The following KCTD1 variants were observed in gnomAD, a reference collection of about 807,000 sequenced individuals.
KCTD1 encodes the protein potassium channel tetramerization domain containing 1.
Under a neutral mutation model 66.0 loss-of-function variants are expected in KCTD1, and 24 were observed. The observed-to-expected ratio is 0.36, with a 90% CI of 0.26 to 0.51. The LOEUF is 0.51. Among genes scored for constraint, KCTD1 ranks in the 20% least tolerant of loss-of-function variants. The pLI is 0.95. For missense variants in KCTD1, 943 were observed against 1,205.2 expected, an observed-to-expected ratio of 0.78 and a Z score of 3.22; for synonymous variants, 511 against 517.2, an observed-to-expected ratio of 0.99 and a Z score of 0.16.
At chr18:26,508,340 C>T (rs972798553) in intron 1 of KCTD1, among the ~76,000 whole-genome samples, 17 of 152,208 alleles carry the variant, frequency 1.1e-4, no homozygotes, top group African/African-American at 4.1e-4. Flanking sequence ...AGGGATTTGA[C>T]TTCAGGCATC....
At chr18:26,577,207 T>C (rs1986244935) in intron 1 of KCTD1, among the ~76,000 whole-genome samples, 1 of 152,234 alleles carries the variant, frequency 6.6e-6, no homozygotes, top group African/African-American at 2.4e-5. Flanking sequence ...ACCTACACAC[T>C]CCTTCCATTT....
chr18:26,475,064 T>C (rs1384200280), intron 3 of KCTD1, among the ~76,000 whole-genome samples: 1 of 152,192 alleles, frequency 6.6e-6, no homozygotes, highest in Non-Finnish European at 1.5e-5. Context: ...TATGCACCTG[T>C]ACATCTATCT....
chr18:26,540,286 C>T (rs1305306639), intron 1 of KCTD1, among the ~76,000 whole-genome samples: 1 of 152,236 alleles, frequency 6.6e-6, no homozygotes, highest in Admixed American at 6.5e-5. Context: ...TGAACTCCTC[C>T]TCTTGTTGCC....
intron 1 of KCTD1, among the ~76,000 whole-genome samples, chr18:26,603,323 T>C (rs1205634261): frequency 1.3e-5 from 2 of 151,240 alleles, no homozygotes; most frequent in Admixed American, 6.6e-5. Flanking sequence ...TCCCACGTAC[T>C]TGGGAGACTG....
intron 1 of KCTD1, among the ~76,000 whole-genome samples, chr18:26,558,553 C>CT (rs1462449000): frequency 6.6e-6 from 1 of 152,134 alleles, no homozygotes; most frequent in Non-Finnish European, 1.5e-5. Context: ...TGGAAGCAAC[C>CT]TAAGTGTCCA....
At chr18:26,589,548 A>C (rs1324826070) in intron 1 of KCTD1, among the ~76,000 whole-genome samples, 2 of 152,330 alleles carry the variant, frequency 1.3e-5, no homozygotes, top group African/African-American at 2.4e-5. Flanking sequence ...ATAAACTTGA[A>C]AAGGGTTATC....
chr18:26,552,446 G>A (rs146608051), upstream of KCTD1, among the ~76,000 whole-genome samples: 41 of 152,306 alleles, frequency 2.7e-4, no homozygotes, highest in East Asian at 7.3e-3. Flanking sequence ...TGAATGAAGA[G>A]AATCTGTGTT....
chr18:26,476,847 C>A lies in KCTD1; in HGVS notation c.1989-188G>T. 1.8e-6 allele frequency: 1 copy of A among 541,668 alleles called. No individual in the cohort carries two copies. 33.6% of individuals were successfully genotyped at this position (541,668 alleles called of 1,614,324 possible). ...TCAGGACGAGACCATTCAAAATAGT[C>A]CTAGGCTTTGTCAAATGAATTCTTT... On this transcript the variant is annotated intron_variant, in intron 2 of 4. Transcript: ENST00000580059. This position sits in a 1 kb window ranked among gnomAD's most constrained non-coding sequence, Gnocchi z 4.9.
Position 26,546,907 on chromosome 18 carries a change from C to A in KCTD1, c.1630G>T (p.Gly544Trp). ...GGGGAAGTGGGGCCGCAGATTTCCC[C>A]CGACCCGAACACAGACTCGTACAGG... ...RALYESVFGS[G>W]EICGPTSPKR... Residue 544 changes from glycine to tryptophan, a missense_variant, in exon 1 of 5, where the codon GGG (glycine) becomes TGG (tryptophan). By Grantham distance (184) the Gly-to-Trp change is radical. Coordinates refer to ENST00000580059, the MANE Select transcript of KCTD1 (RefSeq NM_001142730.3). The A allele has an allele frequency of 6.7e-7, 1 of 1,482,994 alleles. No individual in the cohort carries two copies. Among genetic ancestry groups the A allele is most frequent in the Non-Finnish European group, 9.0e-7 (1 of 1,115,488 alleles). 91.9% of individuals were successfully genotyped at this position (1,482,994 alleles called of 1,614,324 possible).
chr18:26,657,409 C>T (rs1266463930), upstream of KCTD1: 4 of 985,416 alleles, frequency 4.1e-6, no homozygotes, highest in African/African-American at 3.5e-5. Context: ...TTTCCTTTTC[C>T]TCTCCCCCCT....
At position 26,548,154 on chromosome 18, in the gene KCTD1, C is replaced by T. The variant is rs1398319992; in HGVS notation, c.383G>A (p.Ser128Asn). Residue 128 changes from serine to asparagine, a missense_variant, in exon 1 of 5, where the codon AGC becomes AAC. Ser to Asn is a conservative substitution (Grantham distance 46, BLOSUM62 1). This residue lies in a region of KCTD1 where 236 missense variants were observed against 206.6 expected (regional missense o/e 1.14). Coordinates refer to ENST00000580059, the MANE Select transcript of KCTD1 (RefSeq NM_001142730.3). Reference sequence around the variant, plus strand: ...CGGCGCCTCGGGCTCCAGCGCGGCGCTCTGGTCCATATTGATCATATGGAC... The same window carrying T: ...CGGCGCCTCGGGCTCCAGCGCGGCGTTCTGGTCCATATTGATCATATGGAC... Reference protein sequence around the residue: ...EPVHMINMDQSAALEPEAPPR... With the variant: ...EPVHMINMDQNAALEPEAPPR... 1.4e-6 allele frequency: 2 copies of T among 1,390,616 alleles called. No homozygotes were observed. Among genetic ancestry groups the T allele is most frequent in the Non-Finnish European group, 1.9e-6 (2 of 1,075,014 alleles). 86.1% of individuals were successfully genotyped at this position (1,390,616 alleles called of 1,614,324 possible). A position where few individuals can be genotyped will look rare whatever the true frequency, so the allele number is the denominator to read the frequency against.
chr18:26,612,340 T>C (rs1003654935), intron 1 of KCTD1, among the ~76,000 whole-genome samples: 2 of 152,136 alleles, frequency 1.3e-5, no homozygotes, highest in Admixed American at 6.5e-5. Context: ...ATTGATCCCC[T>C]TCCCAAAAAC....
chr18:26,462,645 G>C (rs1252243413), intron 3 of KCTD1, among the ~76,000 whole-genome samples: 1 of 152,118 alleles, frequency 6.6e-6, no homozygotes, highest in Non-Finnish European at 1.5e-5. Flanking sequence ...TTCTTGGCAG[G>C]CTCCTTTGTG....
At chr18:26,518,319 G>C (rs1983759960) in intron 1 of KCTD1, among the ~76,000 whole-genome samples, 1 of 150,360 alleles carries the variant, frequency 6.7e-6, no homozygotes, top group African/African-American at 2.4e-5. Context: ...TTTTTTTTGA[G>C]ACAGAGTCTC....
chr18:26,479,147 A>G (rs2144609028), intron 2 of KCTD1, among the ~76,000 whole-genome samples: 1 of 152,390 alleles, frequency 6.6e-6, no homozygotes, highest in Admixed American at 6.5e-5. Flanking sequence ...CAAGAGGGAG[A>G]TCTGAAGCGA....
intron 1 of KCTD1, among the ~76,000 whole-genome samples, chr18:26,651,499 G>T (rs1315052340): frequency 6.6e-6 from 1 of 152,126 alleles, no homozygotes; most frequent in Non-Finnish European, 1.5e-5. Flanking sequence ...AGAAGGTAAA[G>T]TTGGCCGAGT....
intron 1 of KCTD1, among the ~76,000 whole-genome samples, chr18:26,532,261 C>CTTTCTTTTTTTTTTTTT (rs1394278500): frequency 1.0e-4 from 3 of 29,562 alleles, no homozygotes; most frequent in African/African-American, 1.9e-4. Context: ...TTCTTTCCTT[C>CTTTCTTTTTTTTTTTTT]TTTTTTTTTT....
chr18:26,532,943 C>T (rs1169399891), intron 1 of KCTD1, among the ~76,000 whole-genome samples: 3 of 152,140 alleles, frequency 2.0e-5, no homozygotes, highest in Middle Eastern at 3.2e-3. Context: ...CAGTGATAAG[C>T]GAAGTTGGTG....
chr18:26,501,012 G>A, intron 2 of KCTD1, 60 bp downstream of exon 2: 1 of 1,573,784 alleles, frequency 6.4e-7, no homozygotes, highest in East Asian at 2.2e-5. Context: ...CTGGTCAAAG[G>A]AAAAACAGGT....
Sources: gnomAD v4.1 joint callset for allele counts (sites outside exome capture counted in the v4.1 genomes callset) on GRCh38, gnomAD v4.1.1 for gene constraint, gnomAD v4.1.1 regional missense constraint, Gnocchi (gnomAD v3.1) non-coding constraint, MANE v1.5 for transcripts, NCBI Gene and HGNC (gene_info 2026-07-23, HGNC 2026-07-21) for gene names.